Variants in AKT1 observed in about 807,000 individuals in gnomAD.
AKT1 encodes RAC-alpha serine/threonine-protein kinase.
AKT1 carries 21 observed loss-of-function variants against 63.1 expected under a neutral mutation model. The observed-to-expected ratio is 0.33, with a 90% CI of 0.24 to 0.48. The LOEUF is 0.48. Among genes scored for constraint, AKT1 ranks in the 20% least tolerant of loss-of-function variants. AKT1 has a pLI of 0.99. For synonymous variants in AKT1, 257 were observed against 253.1 expected (o/e 1.02, Z -0.15); for missense variants, 382 against 666.0 (o/e 0.57, Z 4.69).
chr14:104,788,595 T>C (rs1415410400), intron 3 of AKT1, among the ~76,000 whole-genome samples: 1 of 152,132 alleles, frequency 6.6e-6, no homozygotes, highest in Non-Finnish European at 1.5e-5. Flanking sequence ...CAGCTGGGGA[T>C]GCAGTGAGGT....
chr14:104,782,737 C>T (rs2140967115), intron 3 of AKT1, among the ~76,000 whole-genome samples: 1 of 147,264 alleles, frequency 6.8e-6, no homozygotes, highest in East Asian at 3.4e-4. Flanking sequence ...AGTGAAGGGG[C>T]CTCACGTGGC....
chr14:104,779,712 G>T (rs112766153), intron 4 of AKT1, among the ~76,000 whole-genome samples: 46 of 69,156 alleles, frequency 6.7e-4, no homozygotes, highest in African/African-American at 4.0e-3. Flanking sequence ...CAGAGACCCC[G>T]GCCCAGCCAG....
intron 3 of AKT1, among the ~76,000 whole-genome samples, chr14:104,783,891 T>C (rs1315595307): frequency 1.3e-5 from 2 of 152,188 alleles, no homozygotes; most frequent in Non-Finnish European, 2.9e-5. Context: ...GGAAGACGGC[T>C]AGGTGCCCCT....
intron 3 of AKT1, among the ~76,000 whole-genome samples, chr14:104,791,929 A>G (rs1049095081): frequency 1.3e-5 from 2 of 152,006 alleles, no homozygotes; most frequent in African/African-American, 4.8e-5. Context: ...ACTCCACCGC[A>G]CCCCGCTGAG....
chr14:104,770,460 C>A, intron 14 of AKT1, 40 bp from the exon 15 acceptor site: 1 of 1,521,276 alleles, frequency 6.6e-7, no homozygotes, highest in African/African-American at 1.4e-5. Flanking sequence ...GCCCCACCTC[C>A]CTGCCACCTC....
chr14:104,774,788 C>CCTCCAGGGCAGGCCTGT, intron 8 of AKT1, 150 bp downstream of exon 8: 2 of 861,034 alleles, frequency 2.3e-6, no homozygotes, highest in South Asian at 3.5e-5. Flanking sequence ...ACAGCCTGAC[C>CCTCCAGGGCAGGCCTGT]CTCCAGGGCA....
In AKT1 at chr14:104,795,273, CCCCGGCGCCCGGCGTGGGGCCG is replaced by C. The variant is rs1893833257; in HGVS notation, c.-258+189_-258+210del. ...GGAGGCTGGGGCCGGCAGCCTGCAC[CCCCGGCGCCCGGCGTGGGGCCG>C]CCCTCCCTTGGCCGGGCCCGCGCGC... On this transcript the variant is annotated intron_variant, in intron 1 of 14. Coordinates refer to ENST00000649815, the MANE Select transcript of AKT1 (RefSeq NM_001382430.1). The surrounding 1 kb of genome is among the most constrained non-coding windows in gnomAD (Gnocchi z 5.1). Among the ~76,000 whole-genome samples the C allele has an allele frequency of 6.6e-6, 1 of 151,022 alleles. No homozygotes were observed. The highest frequency in any genetic ancestry group is 1.5e-5 in the Non-Finnish European group (1 of 67,636).
chr14:104,772,937 C>T lies in AKT1; in HGVS notation c.1113G>A (p.Thr371=), dbSNP rs747408700. 8.7e-6 allele frequency: 14 copies of T among 1,613,824 alleles called. No individual in the cohort carries two copies. The highest frequency in any genetic ancestry group is 1.6e-4 in the Middle Eastern group (1 of 6,072). The change falls in exon 12 of 15, where the codon ACG becomes ACA. Residue 371 remains threonine, a synonymous_variant. Transcript: ENST00000649815. The part of the protein sequence containing the change: ...ILMEEIRFPR[T]LGPEAKSLLS... ...GCAAGGACTTGGCCTCGGGACCAAG[C>T]GTGCGCGGGAAGCGGATCTCCTCCA... is the stretch of plus-strand genomic sequence containing the variant.
chr14:104,774,816 G>T, intron 8 of AKT1, 122 bp downstream of exon 8: 1 of 1,100,924 alleles, frequency 9.1e-7, no homozygotes. Context: ...CTCACCAGCG[G>T]CGGAGTCCAC....
chr14:104,773,665 C>T, intron 9 of AKT1, 85 bp from the exon 10 acceptor site: 1 of 1,521,586 alleles, frequency 6.6e-7, no homozygotes, highest in South Asian at 1.2e-5. Context: ...CAGACCGGGT[C>T]TCGGCATTGC....
intron 12 of AKT1, 85 bp from the exon 13 acceptor site, chr14:104,772,537 G>T: frequency 7.2e-7 from 1 of 1,383,394 alleles, no homozygotes; most frequent in Non-Finnish European, 1.0e-6. Context: ...GTGATGTAGG[G>T]CCCGCCAGAC....
At chr14:104,789,325 G>C (rs1893506200) in intron 3 of AKT1, among the ~76,000 whole-genome samples, 2 of 152,262 alleles carry the variant, frequency 1.3e-5, no homozygotes, top group Admixed American at 1.3e-4. Flanking sequence ...ACAGCCGCGA[G>C]TGGACAAAAA....
rs1595238500 is a variant in AKT1, at chr14:104,770,377, G to A, written c.1407C>T (p.Phe469=). 6.2e-7 allele frequency: 1 copy of A among 1,612,864 alleles called. No individual in the cohort carries two copies. The highest frequency in any genetic ancestry group is 1.1e-5 in the South Asian group (1 of 90,928). ...ECVDSERRPH[F]PQFSYSASGT... ...CGCTGGCCGAGTAGGAGAACTGGGG[G>A]AAGTGGGGCCTGCGCTCGCTGTCCA... Residue 469 remains phenylalanine (F), a synonymous_variant, in exon 15 of 15, where the codon TTC becomes TTT. Transcript: ENST00000649815.
At chr14:104,791,667 C>G (rs1893633956) in intron 3 of AKT1, among the ~76,000 whole-genome samples, 1 of 152,210 alleles carries the variant, frequency 6.6e-6, no homozygotes, top group Non-Finnish European at 1.5e-5. Flanking sequence ...GCCACACCTC[C>G]CTGTCTGCTC....
Position 104,769,449 on chromosome 14 carries a change from TGCAGCG to T in AKT1, c.*886_*891del, listed in dbSNP as rs964897944. On this transcript the variant is annotated 3_prime_UTR_variant, in exon 15 of 15. Transcript: ENST00000649815. ...TGAATGTTGTAAAAAAACGCCGTGG[TGCAGCG>T]GCAGCGGCAGCGTCTGGCCAGGAGG... 8.9e-5 allele frequency: 39 copies of T among 437,644 alleles called. No homozygotes were observed. Among genetic ancestry groups the T allele is most frequent in the Middle Eastern group, 1.3e-3 (2 of 1,544 alleles). The allele number at this position is 437,644 out of a possible 1,614,324, so 27.1% of individuals were successfully genotyped here. A position where few individuals can be genotyped will look rare whatever the true frequency, so the allele number is the denominator to read the frequency against.
At chr14:104,777,710 G>A in intron 4 of AKT1, 2 of 985,668 alleles carry the variant, frequency 2.0e-6, no homozygotes, top group Non-Finnish European at 2.4e-6. Context: ...AGCAGGAGGA[G>A]GCTGAGGGGC....
chr14:104,789,349 G>T (rs7143802), intron 3 of AKT1, among the ~76,000 whole-genome samples: 5 of 152,226 alleles, frequency 3.3e-5, no homozygotes, highest in African/African-American at 1.2e-4. Flanking sequence ...GCTCCAGGCC[G>T]GGGCTGCACC....
intron 8 of AKT1, 75 bp downstream of exon 8, chr14:104,774,863 C>A: frequency 6.7e-7 from 1 of 1,495,186 alleles, no homozygotes; most frequent in Non-Finnish European, 9.1e-7. Flanking sequence ...GAAGACAGGA[C>A]ATCGTCCCCT....
Position 104,776,700 on chromosome 14 carries a change from A to G in AKT1, c.246T>C (p.Thr82=), listed in dbSNP as rs773311402. 5 of 1,613,498 alleles carry G rather than the reference A, an allele frequency of 3.1e-6. No individual in the cohort carries two copies. The highest frequency in any genetic ancestry group is 3.4e-6 in the Non-Finnish European group (4 of 1,179,846). ...CCACATGGAAGGTGCGTTCGATGAC[A>G]GTGGTCCACTGCAGGCAGCGGATGA... The part of the protein sequence containing the change: ...TFIIRCLQWT[T]VIERTFHVET... Residue 82 remains threonine (T), a synonymous_variant, in exon 5 of 15, where the codon ACT becomes ACC. Coordinates refer to ENST00000649815, the MANE Select transcript of AKT1 (RefSeq NM_001382430.1).
Sources: allele counts gnomAD v4.1 joint callset (sites outside exome capture counted in the v4.1 genomes callset), GRCh38; gene constraint gnomAD v4.1.1; non-coding constraint Gnocchi (gnomAD v3.1); transcripts MANE v1.5; gene names NCBI Gene and HGNC (gene_info 2026-07-23, HGNC 2026-07-21).